Variants in RETREG1 observed in about 807,000 individuals in gnomAD.
RETREG1 encodes reticulophagy regulator 1, also known as family with sequence similarity 134 member B.
A neutral mutation model predicts 54.8 loss-of-function variants in RETREG1; 44 were observed. The observed-to-expected ratio is 0.80, with a 90% CI of 0.63 to 1.03. RETREG1 has a LOEUF of 1.03. RETREG1 is among the 50% of genes least tolerant of loss of function. The pLI is 0.00. For synonymous variants in RETREG1, 217 were observed against 238.5 expected, an observed-to-expected ratio of 0.91 and a Z score of 0.83; for missense variants, 554 against 605.1, an observed-to-expected ratio of 0.92 and a Z score of 0.89.
At chr5:16,600,069 C>T (rs1265836372) in intron 1 of RETREG1, among the ~76,000 whole-genome samples, 2 of 152,100 alleles carry the variant, frequency 1.3e-5, no homozygotes, top group Non-Finnish European at 2.9e-5. Context: ...GGCGTGACCT[C>T]GGCTCACTGC....
chr5:16,497,189 G>A (rs1739497450), intron 3 of RETREG1, among the ~76,000 whole-genome samples: 1 of 152,092 alleles, frequency 6.6e-6, no homozygotes, highest in South Asian at 2.1e-4. Context: ...GACGAGGTGG[G>A]TAAAATGCCT....
At chr5:16,578,739 G>A (rs1742408757) in intron 1 of RETREG1, among the ~76,000 whole-genome samples, 1 of 152,184 alleles carries the variant, frequency 6.6e-6, no homozygotes, top group Non-Finnish European at 1.5e-5. Flanking sequence ...TACTGGGGGA[G>A]GCAGGGAATT....
At chr5:16,530,776 G>A (rs1740890550) in intron 3 of RETREG1, among the ~76,000 whole-genome samples, 1 of 152,080 alleles carries the variant, frequency 6.6e-6, no homozygotes. Context: ...GGGAGGCTGA[G>A]GTAGAAGAAT....
chr5:16,556,049 C>A (rs1741696077), intron 3 of RETREG1, among the ~76,000 whole-genome samples: 1 of 152,136 alleles, frequency 6.6e-6, no homozygotes. Flanking sequence ...CCTAATAAAC[C>A]TGGGGTTATG....
intron 3 of RETREG1, among the ~76,000 whole-genome samples, chr5:16,487,929 T>A (rs1196347983): frequency 6.6e-6 from 1 of 152,238 alleles, no homozygotes; most frequent in Admixed American, 6.5e-5. Flanking sequence ...TTGGGAGGTC[T>A]GGCCAAATAA....
In RETREG1 at chr5:16,590,874, CAT is replaced by C. The variant is rs1375668561; in HGVS notation, c.321-18774_321-18773del. Among the ~76,000 whole-genome samples, 12 of 108,696 alleles carry C rather than the reference CAT, an allele frequency of 1.1e-4. No individual in the cohort carries two copies. The South Asian group carries it at 2.5e-3, about 22-fold the overall frequency. 71.3% of individuals were successfully genotyped at this position (108,696 alleles called of 152,430 possible). ...CACACAAAAAACACACACATGCAAA[CAT>C]ACACACACACGCACACACACATGCA... On this transcript the variant is annotated intron_variant, in intron 1 of 8. Transcript: ENST00000306320.
chr5:16,528,625 A>T (rs1171758260), intron 3 of RETREG1, among the ~76,000 whole-genome samples: 1 of 152,188 alleles, frequency 6.6e-6, no homozygotes, highest in Non-Finnish European at 1.5e-5. Context: ...AGGGTTTCCC[A>T]GCAGGTGGGA....
At chr5:16,567,091 C>T (rs965532262) in intron 2 of RETREG1, among the ~76,000 whole-genome samples, 5 of 152,154 alleles carry the variant, frequency 3.3e-5, no homozygotes, top group African/African-American at 1.2e-4. Flanking sequence ...AAACAAGGAC[C>T]TTTAGAATGG....
At chr5:16,584,310 C>T (rs952538861) in intron 1 of RETREG1, among the ~76,000 whole-genome samples, 3 of 152,138 alleles carry the variant, frequency 2.0e-5, no homozygotes, top group African/African-American at 7.2e-5. Context: ...AGATTTTACA[C>T]AGAAAATCAG....
chr5:16,477,280 G>A (rs551935084), intron 8 of RETREG1, among the ~76,000 whole-genome samples: 1 of 152,232 alleles, frequency 6.6e-6, no homozygotes, highest in African/African-American at 2.4e-5. Context: ...TCATAAAGCT[G>A]TACAAGCAGC....
chr5:16,539,345 G>C (rs997173456), intron 3 of RETREG1, among the ~76,000 whole-genome samples: 2 of 152,134 alleles, frequency 1.3e-5, no homozygotes, highest in Non-Finnish European at 2.9e-5. Context: ...TCAGATGATG[G>C]GCCATGAAAC....
At position 16,519,819 on chromosome 5, in the gene RETREG1, G is replaced by A. The variant is rs979084425; in HGVS notation, c.459-36347C>T. Among the ~76,000 whole-genome samples the A allele has an allele frequency of 8.5e-5, 13 of 152,294 alleles. No individual in the cohort carries two copies. In the East Asian group the frequency reaches 1.5e-3, roughly 18 times the overall value. ...GATAGGCCACAAATTGTAAGGTCACGCAACATATCACTATTTTCTTATCCT... is the reference window on the plus strand; with the variant it reads ...GATAGGCCACAAATTGTAAGGTCACACAACATATCACTATTTTCTTATCCT... On this transcript the variant is annotated intron_variant, in intron 3 of 8. Coordinates refer to ENST00000306320, the MANE Select transcript of RETREG1 (RefSeq NM_001034850.3).
intron 3 of RETREG1, among the ~76,000 whole-genome samples, chr5:16,493,759 CA>C (rs955168775): frequency 1.8e-4 from 26 of 146,724 alleles, no homozygotes; most frequent in Non-Finnish European, 2.3e-4. Context: ...TCCTACAGCA[CA>C]AAAAAAAAAG....
At chr5:16,548,508 T>C (rs1019248836) in intron 3 of RETREG1, among the ~76,000 whole-genome samples, 4 of 151,992 alleles carry the variant, frequency 2.6e-5, no homozygotes, top group South Asian at 2.1e-4. Context: ...AAGAAATAAA[T>C]GTGCATTGTA....
chr5:16,491,130 C>T (rs1739224908), intron 3 of RETREG1, among the ~76,000 whole-genome samples: 1 of 152,188 alleles, frequency 6.6e-6, no homozygotes, highest in Admixed American at 6.5e-5. Flanking sequence ...GCACTCTGCC[C>T]GCACTGTCCC....
intron 3 of RETREG1, among the ~76,000 whole-genome samples, chr5:16,523,394 T>C: frequency 6.6e-6 from 1 of 152,136 alleles, no homozygotes; most frequent in Admixed American, 6.5e-5. Flanking sequence ...TTGACAGATC[T>C]GAGGAGTGTT....
intron 6 of RETREG1, 47 bp from the exon 7 acceptor site, chr5:16,478,145 G>T (rs1432020835): frequency 8.3e-7 from 1 of 1,207,854 alleles, no homozygotes; most frequent in South Asian, 1.2e-5. Context: ...AGCCAACTCA[G>T]ACATAGTGCA....
chr5:16,562,954 C>T (rs552458193), intron 3 of RETREG1, among the ~76,000 whole-genome samples: 2 of 152,176 alleles, frequency 1.3e-5, no homozygotes, highest in Admixed American at 6.5e-5. Context: ...ATTGATTGTA[C>T]CACACCAATG....
intron 3 of RETREG1, among the ~76,000 whole-genome samples, chr5:16,544,092 C>T (rs1419120462): frequency 6.6e-6 from 1 of 151,104 alleles, no homozygotes; most frequent in Non-Finnish European, 1.5e-5. Context: ...TCTTCTGCCT[C>T]AGCCTCCTAA....
Sources: gnomAD v4.1 joint callset for allele counts (sites outside exome capture counted in the v4.1 genomes callset) on GRCh38, gnomAD v4.1.1 for gene constraint, MANE v1.5 for transcripts, NCBI Gene and HGNC (gene_info 2026-07-23, HGNC 2026-07-21) for gene names.